The following INPP4B variants were observed in gnomAD, a reference collection of about 807,000 sequenced individuals.
INPP4B encodes inositol polyphosphate-4-phosphatase type II B.
Under a neutral mutation model 122.5 loss-of-function variants are expected in INPP4B, and 55 were observed. That is an observed-to-expected ratio of 0.45 (90% CI 0.36 to 0.56). INPP4B has a LOEUF of 0.56. INPP4B is among the 20% of genes least tolerant of loss of function. INPP4B has a pLI of 0.00. For missense variants in INPP4B, 1,000 were observed against 1,097.7 expected, an observed-to-expected ratio of 0.91 and a Z score of 1.26; for synonymous variants, 403 against 388.7, an observed-to-expected ratio of 1.04 and a Z score of -0.43.
intron 7 of INPP4B, 26 bp downstream of exon 7, chr4:142,402,912 A>G (rs1421582796): frequency 8.7e-7 from 1 of 1,149,602 alleles, no homozygotes; most frequent in Non-Finnish European, 1.3e-6. Context: ...TTTTTCCCAA[A>G]GAAAGAAAGA....
chr4:142,321,902 G>T (rs1407779694), intron 7 of INPP4B, among the ~76,000 whole-genome samples: 1 of 151,882 alleles, frequency 6.6e-6, no homozygotes, highest in African/African-American at 2.4e-5. Flanking sequence ...ATGAAATTTT[G>T]GATTTATTTA....
intron 1 of INPP4B, among the ~76,000 whole-genome samples, chr4:142,792,850 T>G (rs564564765): frequency 3.5e-4 from 53 of 152,210 alleles, no homozygotes; most frequent in African/African-American, 1.2e-3. Context: ...GTGCCCAAGA[T>G]ATTTTTAGAA....
chr4:142,135,777 T>C (rs1579032924), intron 18 of INPP4B, among the ~76,000 whole-genome samples: 1 of 150,930 alleles, frequency 6.6e-6, no homozygotes, highest in East Asian at 2.0e-4. Flanking sequence ...GTGTTTTTTG[T>C]TTGTTTGTTT....
At chr4:142,085,792 A>G (rs1776438052) in intron 24 of INPP4B, among the ~76,000 whole-genome samples, 1 of 152,218 alleles carries the variant, frequency 6.6e-6, no homozygotes, top group African/African-American at 2.4e-5. Context: ...CATTCTGTTG[A>G]AACCATATGT....
intron 5 of INPP4B, among the ~76,000 whole-genome samples, chr4:142,427,747 T>C (rs1449130925): frequency 2.0e-5 from 3 of 152,012 alleles, no homozygotes; most frequent in Admixed American, 6.6e-5. Flanking sequence ...ATCACTCTAA[T>C]GAAACTTCAC....
chr4:142,713,661 C>T (rs912619703), intron 2 of INPP4B, among the ~76,000 whole-genome samples: 1 of 152,154 alleles, frequency 6.6e-6, no homozygotes, highest in Non-Finnish European at 1.5e-5. Context: ...TTTCCAGAAA[C>T]ACAGCTTTGA....
At chr4:142,321,125 A>G (rs762607106) in intron 7 of INPP4B, among the ~76,000 whole-genome samples, 1 of 152,112 alleles carries the variant, frequency 6.6e-6, no homozygotes, top group Admixed American at 6.5e-5. Flanking sequence ...CCACACCAAC[A>G]TCTATTATTT....
chr4:142,742,856 C>G (rs1396415678), intron 1 of INPP4B, among the ~76,000 whole-genome samples: 1 of 151,566 alleles, frequency 6.6e-6, no homozygotes, highest in Admixed American at 6.6e-5. Flanking sequence ...AGTGATTGTA[C>G]CAAAAAAGAG....
intron 11 of INPP4B, among the ~76,000 whole-genome samples, chr4:142,259,392 C>G (rs184854330): frequency 1.5e-4 from 22 of 150,756 alleles, no homozygotes; most frequent in Admixed American, 4.6e-4. Context: ...AAAAAAAGAT[C>G]AGATACCACA....
intron 2 of INPP4B, among the ~76,000 whole-genome samples, chr4:142,579,172 G>A (rs1014065880): frequency 1.3e-5 from 2 of 152,018 alleles, no homozygotes; most frequent in African/African-American, 4.8e-5. Flanking sequence ...AGGGAGGGAA[G>A]CAAGTGTTAA....
chr4:142,260,833 C>T (rs898244377), intron 10 of INPP4B, among the ~76,000 whole-genome samples: 4 of 152,150 alleles, frequency 2.6e-5, no homozygotes, highest in Non-Finnish European at 5.9e-5. Flanking sequence ...TTATCCCCAA[C>T]ATGCTAGAGA....
chr4:142,742,068 A>G (rs1455193762), intron 1 of INPP4B, among the ~76,000 whole-genome samples: 2 of 152,012 alleles, frequency 1.3e-5, no homozygotes, highest in Non-Finnish European at 2.9e-5. Flanking sequence ...AGATCTTCTT[A>G]CAGCCTGAAA....
intron 1 of INPP4B, among the ~76,000 whole-genome samples, chr4:142,731,805 T>C (rs1476731515): frequency 2.0e-5 from 3 of 151,960 alleles, no homozygotes; most frequent in Admixed American, 6.6e-5. Context: ...ACATCTAACA[T>C]GATATAGGAA....
At chr4:142,064,597 A>G (rs997796027) in intron 25 of INPP4B, among the ~76,000 whole-genome samples, 3 of 152,316 alleles carry the variant, frequency 2.0e-5, no homozygotes, top group Non-Finnish European at 2.9e-5. Flanking sequence ...AAATTGGTTC[A>G]TTCTTGTGAA....
At chr4:142,537,425 TATATAGAGAGAGAGAGAGAGAG>T (rs1468535908) in intron 2 of INPP4B, among the ~76,000 whole-genome samples, 17 of 40,992 alleles carry the variant, frequency 4.1e-4, no homozygotes, top group Admixed American at 1.4e-3. Flanking sequence ...TATATATATA[TATATAGAGAGAGAGAGAGAGAG>T]AGAGAGAGAG....
chr4:142,285,029 G>A (rs1752881110), intron 9 of INPP4B, among the ~76,000 whole-genome samples: 1 of 152,066 alleles, frequency 6.6e-6, no homozygotes, highest in South Asian at 2.1e-4. Context: ...GGATGTGGGG[G>A]AGGGGCTGTG....
At chr4:142,772,848 C>A (rs1301177299) in intron 1 of INPP4B, among the ~76,000 whole-genome samples, 4 of 151,910 alleles carry the variant, frequency 2.6e-5, no homozygotes, top group African/African-American at 9.7e-5. Context: ...AGTTCAAGAC[C>A]AGCCTGGGTA....
At position 142,397,297 on chromosome 4, in the gene INPP4B, A is replaced by G. The variant is rs540833451; in HGVS notation, c.372+5641T>C. On this transcript the variant is annotated intron_variant, in intron 7 of 25. Coordinates refer to ENST00000262992, the MANE Select transcript of INPP4B (RefSeq NM_001101669.3). ...AGGTTGAGGGAACCACGTAGTACAC[A>G]TTTTAAAAAAGGAAAAAACAAGGCC... 9.8e-5 allele frequency among the ~76,000 whole-genome samples: 15 copies of G among 152,288 alleles called. No individual in the cohort carries two copies. The East Asian group carries it at 2.9e-3, about 29-fold the overall frequency.
intron 7 of INPP4B, among the ~76,000 whole-genome samples, chr4:142,393,644 G>C (rs1312995097): frequency 2.0e-5 from 3 of 152,232 alleles, no homozygotes; most frequent in Non-Finnish European, 2.9e-5. Context: ...TTGCGTCCTT[G>C]TGGATGAACT....
Sources: allele counts gnomAD v4.1 joint callset (sites outside exome capture counted in the v4.1 genomes callset), GRCh38; gene constraint gnomAD v4.1.1; transcripts MANE v1.5; gene names NCBI Gene and HGNC (gene_info 2026-07-23, HGNC 2026-07-21).